LY6S: variants seen among roughly 807,000 people sequenced by gnomAD.
The protein encoded by LY6S is lymphocyte antigen 6S.
At chr8:143,070,483 A>ATTTTTTTTTTTTTTT in the LY6S span, among the ~76,000 whole-genome samples, 1 of 85,968 alleles carries the variant, frequency 1.2e-5, no homozygotes, top group Admixed American at 1.3e-4. Context: ...ATAAATATAT[A>ATTTTTTTTTTTTTTT]TATATATTTT....
chr8:143,068,002 C>T, the LY6S span, among the ~76,000 whole-genome samples: 2 of 152,272 alleles, frequency 1.3e-5, no homozygotes, highest in African/African-American at 4.8e-5. Flanking sequence ...AAGAGGCCTC[C>T]CTCTTTCACT....
chr8:143,075,047 T>C, the LY6S span, among the ~76,000 whole-genome samples: 16 of 152,262 alleles, frequency 1.1e-4, no homozygotes, highest in African/African-American at 3.4e-4. The surrounding 1 kb of genome is among the most constrained non-coding windows in gnomAD (Gnocchi z 4.1). Context: ...TAACTGGACG[T>C]GAAAATCTTG....
chr8:143,045,421 A>T, the LY6S span, among the ~76,000 whole-genome samples: 1 of 152,138 alleles, frequency 6.6e-6, no homozygotes, highest in Non-Finnish European at 1.5e-5. This position sits in a 1 kb window ranked among gnomAD's most constrained non-coding sequence, Gnocchi z 5.3. Flanking sequence ...CCTCCTGGGG[A>T]TCGAATGAGT....
the LY6S span, among the ~76,000 whole-genome samples, chr8:143,070,477 AT>A: frequency 8.8e-5 from 1 of 11,328 alleles, no homozygotes; most frequent in African/African-American, 1.8e-4. Flanking sequence ...ATATATATAA[AT>A]ATATATATAT....
At chr8:143,073,860 GACAGCC>G in the LY6S span, among the ~76,000 whole-genome samples, 1 of 146,740 alleles carries the variant, frequency 6.8e-6, no homozygotes, top group East Asian at 2.1e-4. Flanking sequence ...TGTTTGAGGA[GACAGCC>G]ATCGTCCCCG....
the LY6S span, among the ~76,000 whole-genome samples, chr8:143,074,831 C>G: frequency 2.0e-5 from 3 of 152,156 alleles, no homozygotes; most frequent in South Asian, 2.1e-4. Flanking sequence ...AGTCTCTCCC[C>G]GCAGGTAGAG....
the LY6S span, among the ~76,000 whole-genome samples, chr8:143,069,583 A>G: frequency 6.6e-6 from 1 of 152,198 alleles, no homozygotes; most frequent in Non-Finnish European, 1.5e-5. Flanking sequence ...CTCCAGGTGA[A>G]CTGGGACCCA....
At chr8:143,065,744 C>T in the LY6S span, among the ~76,000 whole-genome samples, 7 of 103,574 alleles carry the variant, frequency 6.8e-5, no homozygotes, top group Middle Eastern at 5.3e-3. Flanking sequence ...CTCTTTCTTT[C>T]TCTTTCTTTC....
chr8:143,056,561 A>C, the LY6S span, among the ~76,000 whole-genome samples: 2 of 152,200 alleles, frequency 1.3e-5, no homozygotes, highest in Admixed American at 6.5e-5. Context: ...TCTTACAATA[A>C]ATCTGTAAAT....
At chr8:143,044,731 G>C in the LY6S span, 2 of 1,367,592 alleles carry the variant, frequency 1.5e-6, no homozygotes, top group South Asian at 2.3e-5. Context: ...ATCCAGGAAG[G>C]GGCACGAGAC....
chr8:143,067,601 A>G, the LY6S span, among the ~76,000 whole-genome samples: 4 of 152,164 alleles, frequency 2.6e-5, no homozygotes, highest in Non-Finnish European at 2.9e-5. Flanking sequence ...ACATGCGAGG[A>G]CCCGCGTCGG....
the LY6S span, among the ~76,000 whole-genome samples, chr8:143,052,245 C>T: frequency 6.6e-6 from 1 of 152,212 alleles, no homozygotes; most frequent in African/African-American, 2.4e-5. Flanking sequence ...CGCACCACTG[C>T]ACTCCAGCCT....
At chr8:143,046,083 C>T in the LY6S span, among the ~76,000 whole-genome samples, 80,007 of 151,824 alleles carry the variant, frequency 0.53, 23,598 homozygotes, top group East Asian at 0.67. Context: ...GAACTCCTGA[C>T]CTCAAGTGAT....
the LY6S span, among the ~76,000 whole-genome samples, chr8:143,074,558 A>T: frequency 1.9e-4 from 29 of 152,330 alleles, no homozygotes; most frequent in African/African-American, 6.3e-4. Flanking sequence ...ATAACAAATA[A>T]TGAGCACCTA....
the LY6S span, among the ~76,000 whole-genome samples, chr8:143,060,903 T>A: frequency 1.3e-5 from 2 of 152,194 alleles, no homozygotes; most frequent in East Asian, 3.8e-4. Flanking sequence ...ACGTAAAATA[T>A]ATCTAAGAAT....
the LY6S span, among the ~76,000 whole-genome samples, chr8:143,065,488 G>A: frequency 4.6e-5 from 7 of 152,146 alleles, no homozygotes; most frequent in South Asian, 4.1e-4. Context: ...ATGAAATTTC[G>A]AAGATCCAAA....
At chr8:143,041,952 T>G in the LY6S span, among the ~76,000 whole-genome samples, 1 of 3,836 alleles carries the variant, frequency 2.6e-4, no homozygotes, top group Non-Finnish European at 5.4e-4. Flanking sequence ...CAGCCCTGAC[T>G]CCAGGCTGAG....
the LY6S span, among the ~76,000 whole-genome samples, chr8:143,052,625 A>G: frequency 1.3e-5 from 2 of 152,186 alleles, no homozygotes. Context: ...GAAGTGGTCA[A>G]GGCATGTTTT....
chr8:143,041,176 C>G, the LY6S span, among the ~76,000 whole-genome samples: 1 of 152,138 alleles, frequency 6.6e-6, no homozygotes, highest in Non-Finnish European at 1.5e-5. Flanking sequence ...CGGGAATTTC[C>G]TCATCCTAAT....
Sources: gnomAD v4.1 joint callset for allele counts (sites outside exome capture counted in the v4.1 genomes callset) on GRCh38, gnomAD v4.1.1 for gene constraint, Gnocchi (gnomAD v3.1) non-coding constraint, MANE v1.5 for transcripts, NCBI Gene and HGNC (gene_info 2026-07-23, HGNC 2026-07-21) for gene names.